PRKN: variants seen among roughly 807,000 people sequenced by gnomAD.
PRKN encodes E3 ubiquitin-protein ligase parkin.
PRKN carries 56 observed loss-of-function variants against 59.5 expected under a neutral mutation model. The ratio of observed to expected loss-of-function variants is 0.94; its 90% confidence interval spans 0.76 to 1.18. PRKN has a LOEUF of 1.18. PRKN is among the 50% of genes most tolerant of loss of function. The pLI, the probability that PRKN is intolerant of heterozygous loss-of-function variation, is 0.00. For synonymous variants in PRKN, 250 were observed against 222.1 expected, an observed-to-expected ratio of 1.13 and a Z score of -1.12; for missense variants, 657 against 596.4, an observed-to-expected ratio of 1.10 and a Z score of -1.06.
At chr6:161,883,273 G>A (rs1298489825) in intron 6 of PRKN, among the ~76,000 whole-genome samples, 1 of 151,978 alleles carries the variant, frequency 6.6e-6, no homozygotes, top group Non-Finnish European at 1.5e-5. Flanking sequence ...AGGCCAAGGT[G>A]GGCACATCAC....
At chr6:161,469,714 C>T (rs376537072) in intron 9 of PRKN, among the ~76,000 whole-genome samples, 1 of 152,188 alleles carries the variant, frequency 6.6e-6, no homozygotes, top group African/African-American at 2.4e-5. Flanking sequence ...GATTCTCCCC[C>T]ACAGCCTCCA....
At chr6:162,602,942 C>A (rs755768334) in intron 1 of PRKN, among the ~76,000 whole-genome samples, 21 of 152,134 alleles carry the variant, frequency 1.4e-4, no homozygotes, top group Non-Finnish European at 1.9e-4. Flanking sequence ...GTGTCACATC[C>A]TCTCCGCCTG....
intron 9 of PRKN, among the ~76,000 whole-genome samples, chr6:161,528,221 C>G (rs1779081862): frequency 6.6e-6 from 1 of 152,090 alleles, no homozygotes; most frequent in Admixed American, 6.5e-5. Flanking sequence ...TTGGTTTTCT[C>G]TTTCTGTTTA....
intron 9 of PRKN, among the ~76,000 whole-genome samples, chr6:161,490,301 T>TTTTC (rs1777500064): frequency 8.8e-6 from 1 of 113,840 alleles, no homozygotes; most frequent in African/African-American, 2.9e-5. Context: ...ATCTCTCTAC[T>TTTTC]TTTCTTTCTT....
intron 5 of PRKN, among the ~76,000 whole-genome samples, chr6:161,987,190 A>C (rs148859159): frequency 6.6e-6 from 1 of 152,366 alleles, no homozygotes; most frequent in South Asian, 2.1e-4. Flanking sequence ...TTAGGAAAAG[A>C]AGAAAATAAA....
At chr6:161,907,700 C>T (rs1014540455) in intron 6 of PRKN, among the ~76,000 whole-genome samples, 2 of 152,094 alleles carry the variant, frequency 1.3e-5, no homozygotes, top group African/African-American at 2.4e-5. Flanking sequence ...CTGTAGAGTT[C>T]GGACTGTATT....
At chr6:162,156,965 C>T (rs1782541061) in intron 4 of PRKN, among the ~76,000 whole-genome samples, 1 of 149,346 alleles carries the variant, frequency 6.7e-6, no homozygotes, top group Non-Finnish European at 1.5e-5. Context: ...TTCCCCATTG[C>T]AAATCACATT....
rs892304925 is a variant in PRKN, at chr6:162,511,334, A to C, written c.8-67861T>G. Among the ~76,000 whole-genome samples the C allele has an allele frequency of 4.6e-5, 7 of 152,246 alleles. No homozygotes were observed. The South Asian group carries it at 6.2e-4, about 14-fold the overall frequency. ...GAAATGCAATTATGCCTACTTATAGACATTCTAGATGTACATGTACCATAT... is the reference window on the plus strand; with the variant it reads ...GAAATGCAATTATGCCTACTTATAGCCATTCTAGATGTACATGTACCATAT... On this transcript the variant is annotated intron_variant, in intron 1 of 11. Transcript: ENST00000366898.
chr6:162,220,482 A>G (rs1414284915), intron 3 of PRKN, among the ~76,000 whole-genome samples: 1 of 152,188 alleles, frequency 6.6e-6, no homozygotes, highest in Non-Finnish European at 1.5e-5. Context: ...AACGTAAAAG[A>G]GTGACTAAAT....
intron 1 of PRKN, among the ~76,000 whole-genome samples, chr6:162,559,690 C>T (rs1583803941): frequency 6.6e-6 from 1 of 152,268 alleles, no homozygotes; most frequent in Non-Finnish European, 1.5e-5. Flanking sequence ...ATAAACTATC[C>T]ATTTTGTGTC....
At chr6:162,280,519 G>C (rs1183984119) in intron 2 of PRKN, among the ~76,000 whole-genome samples, 1 of 152,064 alleles carries the variant, frequency 6.6e-6, no homozygotes, top group Admixed American at 6.6e-5. Flanking sequence ...GGCCAGGCAT[G>C]GTGGCTCACT....
At chr6:161,375,854 G>T (rs1200091352) in intron 10 of PRKN, among the ~76,000 whole-genome samples, 2 of 152,240 alleles carry the variant, frequency 1.3e-5, no homozygotes, top group African/African-American at 4.8e-5. Flanking sequence ...ATCTGTCGCA[G>T]CCGTTCCATC....
chr6:162,436,912 T>A (rs1789799793), intron 2 of PRKN, among the ~76,000 whole-genome samples: 1 of 151,706 alleles, frequency 6.6e-6, no homozygotes, highest in African/African-American at 2.4e-5. Context: ...GCCAACATGG[T>A]GAAACCCCGT....
At chr6:162,440,574 C>A (rs1205468286) in intron 2 of PRKN, among the ~76,000 whole-genome samples, 3 of 152,048 alleles carry the variant, frequency 2.0e-5, no homozygotes, top group East Asian at 3.9e-4. Flanking sequence ...CTCACAATAT[C>A]TCATTTTGCA....
At chr6:162,336,246 T>C (rs1388730075) in intron 2 of PRKN, among the ~76,000 whole-genome samples, 1 of 152,118 alleles carries the variant, frequency 6.6e-6, no homozygotes, top group African/African-American at 2.4e-5. Flanking sequence ...TGTATACAAG[T>C]ATAAAATGTT....
intron 2 of PRKN, among the ~76,000 whole-genome samples, chr6:162,398,683 C>A (rs1428012131): frequency 1.3e-5 from 2 of 152,300 alleles, no homozygotes; most frequent in Admixed American, 6.5e-5. Context: ...AGGCACTCCA[C>A]CTGGGCCAGC....
At chr6:161,662,074 A>T (rs1195481249) in intron 7 of PRKN, among the ~76,000 whole-genome samples, 1 of 152,154 alleles carries the variant, frequency 6.6e-6, no homozygotes, top group East Asian at 1.9e-4. Context: ...TAAAAAAAAT[A>T]AGTATCCCAT....
At chr6:161,906,664 ATATATATATATG>A (rs201191764) in intron 6 of PRKN, among the ~76,000 whole-genome samples, 8,386 of 138,746 alleles carry the variant, frequency 0.06, 717 homozygotes, top group Middle Eastern at 0.14. Flanking sequence ...ACATACATAT[ATATATATATATG>A]TATATATGAG....
intron 4 of PRKN, among the ~76,000 whole-genome samples, chr6:162,141,085 G>A (rs944992513): frequency 3.4e-4 from 51 of 152,060 alleles, no homozygotes; most frequent in East Asian, 2.9e-3. Flanking sequence ...AGCCGAGATC[G>A]CGCCACTGCA....
Sources: allele counts gnomAD v4.1 joint callset (sites outside exome capture counted in the v4.1 genomes callset), GRCh38; gene constraint gnomAD v4.1.1; transcripts MANE v1.5; gene names NCBI Gene and HGNC (gene_info 2026-07-23, HGNC 2026-07-21).